Variants in ATG4C observed in about 807,000 individuals in gnomAD.
ATG4C encodes autophagy related 4C cysteine peptidase, also known as cysteine protease ATG4C.
Under a neutral mutation model 57.6 loss-of-function variants are expected in ATG4C, and 56 were observed. That is an observed-to-expected ratio of 0.97 (90% CI 0.78 to 1.21). The LOEUF (loss-of-function observed/expected upper bound fraction) is 1.21, where lower values mean the gene tolerates loss of function less well. Ranked by LOEUF, ATG4C falls within the 50% of genes most tolerant of loss-of-function variation. ATG4C has a pLI of 0.00. For synonymous variants in ATG4C, 157 were observed against 174.1 expected (o/e 0.90, Z 0.78); for missense variants, 595 against 529.8 (o/e 1.12, Z -1.21).
At position 62,819,133 on chromosome 1, in the gene ATG4C, A is replaced by G. The variant is rs747668895; in HGVS notation, c.523A>G (p.Thr175Ala). The change falls in exon 5 of 11, where the codon ACA becomes GCA. Residue 175 changes from threonine to alanine, a missense_variant. Physicochemically the swap from Thr to Ala is moderately conservative, Grantham distance 58. Coordinates refer to ENST00000317868, the MANE Select transcript of ATG4C (RefSeq NM_032852.4). ...AGGGGAAAGAGAATTCAAAACCCCAACAATTTCTCTGAAGGAAACAATTGG... is the reference window on the plus strand; with the variant it reads ...AGGGGAAAGAGAATTCAAAACCCCAGCAATTTCTCTGAAGGAAACAATTGG... Reference protein sequence around the residue: ...LSGEREFKTPTISLKETIGKY... With the variant: ...LSGEREFKTPAISLKETIGKY... 3.1e-6 allele frequency: 5 copies of G among 1,613,170 alleles called. No individual in the cohort carries two copies. In the Admixed American group the frequency reaches 6.7e-5, roughly 22 times the overall value.
intron 10 of ATG4C, among the ~76,000 whole-genome samples, chr1:62,845,422 A>AT (rs1171040107): frequency 1.3e-5 from 2 of 151,462 alleles, no homozygotes; most frequent in African/African-American, 2.4e-5. Flanking sequence ...CTTTTTCTCT[A>AT]TTTTTTTATA....
At chr1:62,861,626 C>CACAG (rs1016485122) in intron 10 of ATG4C, among the ~76,000 whole-genome samples, 71 of 29,342 alleles carry the variant, frequency 2.4e-3, no homozygotes, top group African/African-American at 5.8e-3. Context: ...CACACACACA[C>CACAG]AGAGAGACAC....
At chr1:62,840,010 T>G (rs1666119567) in intron 9 of ATG4C, among the ~76,000 whole-genome samples, 1 of 152,228 alleles carries the variant, frequency 6.6e-6, no homozygotes, top group Non-Finnish European at 1.5e-5. Flanking sequence ...AGAGTGATTT[T>G]AATTGATTTC....
rs375497363 is a variant in ATG4C, at chr1:62,819,016, C to T, written c.406C>T (p.Pro136Ser). 3.2e-6 allele frequency: 5 copies of T among 1,561,168 alleles called. No individual in the cohort carries two copies. Among genetic ancestry groups the T allele is most frequent in the Non-Finnish European group, 3.5e-6 (4 of 1,156,906 alleles). The change falls in exon 5 of 11, where the codon CCT becomes TCT. Residue 136 changes from proline to serine, a missense_variant. Transcript: ENST00000317868. ...LHFLGRAWTW[P>S]DALNIENSDS... ...TGGAACTACTATAGCTTGGACCTGG[C>T]CTGATGCTTTGAATATTGAAAATTC...
intron 7 of ATG4C, among the ~76,000 whole-genome samples, 191 bp downstream of exon 7, chr1:62,829,367 C>G (rs371819530): frequency 1.3e-5 from 2 of 152,156 alleles, no homozygotes; most frequent in African/African-American, 4.8e-5. Flanking sequence ...GCACAGTGTT[C>G]TATAACAAAA....
chr1:62,803,641 C>T (rs1664756255), intron 1 of ATG4C, 78 bp from the exon 2 acceptor site: 1 of 432,216 alleles, frequency 2.3e-6, no homozygotes, highest in African/African-American at 2.1e-5. Context: ...TATTTAATCA[C>T]TTAAGTAACT....
At chr1:62,815,973 C>T (rs940964881) in intron 3 of ATG4C, among the ~76,000 whole-genome samples, 1 of 152,228 alleles carries the variant, frequency 6.6e-6, no homozygotes, top group Admixed American at 6.5e-5. Flanking sequence ...GCGTGAGCCA[C>T]CGCGCCCAGC....
At position 62,794,693 on chromosome 1, in the gene ATG4C, G is replaced by T. The variant is rs145726337; in HGVS notation, c.-68-9026G>T. Among the ~76,000 whole-genome samples, 413 of 152,120 alleles carry T rather than the reference G, an allele frequency of 2.7e-3. 2 individuals are homozygous for T. The highest frequency in any genetic ancestry group is 9.2e-3 in the African/African-American group (382 of 41,480). ...TACTATTGCTCTCCCCTTCATATTT[G>T]CCACTTTTTAAAAAGATAAGGAAAA... On this transcript the variant is annotated intron_variant, in intron 1 of 10. Transcript: ENST00000317868.
intron 1 of ATG4C, among the ~76,000 whole-genome samples, chr1:62,788,110 G>C (rs555354914): frequency 1.1e-4 from 16 of 152,256 alleles, no homozygotes; most frequent in Admixed American, 3.3e-4. Context: ...TGATTAGTTT[G>C]TGATTACTTA....
intron 3 of ATG4C, among the ~76,000 whole-genome samples, chr1:62,810,235 GTTAC>G (rs1665033169): frequency 6.6e-6 from 1 of 152,136 alleles, no homozygotes; most frequent in Non-Finnish European, 1.5e-5. Flanking sequence ...AGGCACTGGG[GTTAC>G]TGCTGAAAGT....
rs1054678664 is a variant in ATG4C at position 62,803,920 on chromosome 1, C to A, written c.76+58C>A. ...CAAAGAAATATTTGACAATATTTAT[C>A]ATTTCCCCTCTTAAGTCACTGACAA... On this transcript the variant is annotated intron_variant, in intron 2 of 10. Transcript: ENST00000317868. 15 of 1,051,298 alleles carry A rather than the reference C, an allele frequency of 1.4e-5. No individual in the cohort carries two copies. In the African/African-American group the frequency reaches 2.3e-4, roughly 16 times the overall value. The allele number at this position is 1,051,298 out of a possible 1,614,324, so 65.1% of individuals were successfully genotyped here.
chr1:62,833,156 T>A (rs936282223), intron 7 of ATG4C, among the ~76,000 whole-genome samples: 2 of 152,142 alleles, frequency 1.3e-5, no homozygotes, highest in Non-Finnish European at 2.9e-5. Flanking sequence ...TTTTATATCT[T>A]AGAGATTTCA....
chr1:62,806,185 A>G (rs1431216900), intron 3 of ATG4C, among the ~76,000 whole-genome samples: 2 of 152,314 alleles, frequency 1.3e-5, no homozygotes, highest in South Asian at 2.1e-4. Context: ...TAGGAATTTG[A>G]TAAAGAAGGA....
At chr1:62,791,503 A>G (rs912496935) in intron 1 of ATG4C, among the ~76,000 whole-genome samples, 4 of 152,196 alleles carry the variant, frequency 2.6e-5, no homozygotes, top group Non-Finnish European at 5.9e-5. Context: ...CAAAAGCTGA[A>G]AAGTCCAAGG....
At chr1:62,826,946 C>T (rs1665681618) in intron 6 of ATG4C, among the ~76,000 whole-genome samples, 1 of 152,114 alleles carries the variant, frequency 6.6e-6, no homozygotes, top group Non-Finnish European at 1.5e-5. Flanking sequence ...TGCTTTAGCC[C>T]TTGCCCCTGT....
At chr1:62,797,670 TGTAATTG>T (rs1664518621) in intron 1 of ATG4C, among the ~76,000 whole-genome samples, 1 of 152,172 alleles carries the variant, frequency 6.6e-6, no homozygotes, top group Non-Finnish European at 1.5e-5. Context: ...TCTTTATATA[TGTAATTG>T]GTAATTGGTA....
intron 1 of ATG4C, among the ~76,000 whole-genome samples, chr1:62,799,451 T>G (rs1396840970): frequency 6.6e-6 from 1 of 152,186 alleles, no homozygotes; most frequent in Non-Finnish European, 1.5e-5. Context: ...GCATTTCAAT[T>G]GTTTCAAGTT....
intron 9 of ATG4C, among the ~76,000 whole-genome samples, chr1:62,840,730 C>G (rs2100344635): frequency 6.6e-6 from 1 of 152,270 alleles, no homozygotes; most frequent in African/African-American, 2.4e-5. Context: ...GGCAGCCTCC[C>G]CAGCCCATTT....
At chr1:62,831,098 T>C (rs575162727) in intron 7 of ATG4C, among the ~76,000 whole-genome samples, 1 of 152,162 alleles carries the variant, frequency 6.6e-6, no homozygotes, top group Non-Finnish European at 1.5e-5. Context: ...CTCGAGCTTT[T>C]ACTAACTTGA....
Sources: allele counts gnomAD v4.1 joint callset (sites outside exome capture counted in the v4.1 genomes callset), GRCh38; gene constraint gnomAD v4.1.1; transcripts MANE v1.5; gene names NCBI Gene and HGNC (gene_info 2026-07-23, HGNC 2026-07-21).